The following ARHGAP24 variants were observed in gnomAD, a reference collection of about 807,000 sequenced individuals.
The protein encoded by ARHGAP24 is rho GTPase-activating protein 24.
ARHGAP24 carries 50 observed loss-of-function variants against 76.4 expected under a neutral mutation model. That is an observed-to-expected ratio of 0.65 (90% CI 0.52 to 0.83). The LOEUF (loss-of-function observed/expected upper bound fraction) is 0.83, where lower values mean the gene tolerates loss of function less well. ARHGAP24 is among the 40% of genes least tolerant of loss of function. The pLI, the probability that ARHGAP24 is intolerant of heterozygous loss-of-function variation, is 0.00. For missense variants in ARHGAP24, 930 were observed against 914.2 expected, an observed-to-expected ratio of 1.02 and a Z score of -0.22; for synonymous variants, 345 against 323.3, an observed-to-expected ratio of 1.07 and a Z score of -0.72.
intron 1 of ARHGAP24, among the ~76,000 whole-genome samples, chr4:85,542,133 A>G (rs1725728115): frequency 6.6e-6 from 1 of 152,074 alleles, no homozygotes; most frequent in African/African-American, 2.4e-5. Context: ...TAAAATTTTG[A>G]GGTGTTAGTG....
chr4:85,761,591 T>C (rs1726734865), intron 3 of ARHGAP24, among the ~76,000 whole-genome samples: 2 of 152,196 alleles, frequency 1.3e-5, no homozygotes, highest in South Asian at 4.1e-4. Flanking sequence ...TGGTGAAGAC[T>C]TTTTTATTTT....
At chr4:85,841,829 G>A (rs1251040921) in intron 3 of ARHGAP24, among the ~76,000 whole-genome samples, 1 of 152,148 alleles carries the variant, frequency 6.6e-6, no homozygotes, top group Non-Finnish European at 1.5e-5. Flanking sequence ...AAATTCATCA[G>A]AGAAGTGTAT....
chr4:85,998,088 A>G (rs1446095916), intron 9 of ARHGAP24, among the ~76,000 whole-genome samples: 1 of 152,228 alleles, frequency 6.6e-6, no homozygotes, highest in Non-Finnish European at 1.5e-5. Context: ...CCAAGAGATC[A>G]AGTCTGTTAA....
At chr4:85,784,429 C>A (rs1293939406) in intron 3 of ARHGAP24, among the ~76,000 whole-genome samples, 1 of 152,002 alleles carries the variant, frequency 6.6e-6, no homozygotes, top group African/African-American at 2.4e-5. Flanking sequence ...AGGCCTATGG[C>A]TTCATCTTAA....
chr4:85,497,550 A>AGTGGCTCACCG (rs373575557), intron 1 of ARHGAP24, among the ~76,000 whole-genome samples: 246 of 152,230 alleles, frequency 1.6e-3, no homozygotes, highest in African/African-American at 5.7e-3. Flanking sequence ...GGCCAGGCAC[A>AGTGGCTCACCG]GTGGCTCATG....
At chr4:85,872,299 TA>T (rs1241141989) in intron 3 of ARHGAP24, among the ~76,000 whole-genome samples, 2 of 151,896 alleles carry the variant, frequency 1.3e-5, no homozygotes, top group Admixed American at 1.3e-4. Context: ...TAAAACACTT[TA>T]TTTTTTTTTT....
chr4:85,883,546 AG>A (rs1733382375), intron 3 of ARHGAP24, among the ~76,000 whole-genome samples: 1 of 152,134 alleles, frequency 6.6e-6, no homozygotes, highest in Non-Finnish European at 1.5e-5. Context: ...CAGGGGGTAG[AG>A]TACATGTGCT....
intron 2 of ARHGAP24, among the ~76,000 whole-genome samples, chr4:85,623,179 T>C (rs568978925): frequency 6.6e-6 from 1 of 152,376 alleles, no homozygotes; most frequent in South Asian, 2.1e-4. Context: ...CCCATGCCTA[T>C]GTCCTGAATG....
At chr4:85,702,242 A>C (rs1724119232) in intron 2 of ARHGAP24, among the ~76,000 whole-genome samples, 1 of 152,192 alleles carries the variant, frequency 6.6e-6, no homozygotes. Flanking sequence ...ACATTCTGTT[A>C]TGTTTTGGTG....
chr4:85,729,784 A>G (rs1280567799), intron 3 of ARHGAP24, among the ~76,000 whole-genome samples: 2 of 152,224 alleles, frequency 1.3e-5, no homozygotes, highest in Non-Finnish European at 2.9e-5. Context: ...TGTGAATTTT[A>G]TATACTTCTC....
chr4:85,593,050 G>T (rs181129909), intron 2 of ARHGAP24, among the ~76,000 whole-genome samples: 30 of 152,046 alleles, frequency 2.0e-4, no homozygotes, highest in Non-Finnish European at 4.0e-4. Context: ...CATAGTGATT[G>T]TACTAATTTA....
At chr4:85,487,259 ATATATAAATATATATTTATTT>A (rs1445003243) in intron 1 of ARHGAP24, among the ~76,000 whole-genome samples, 1 of 125,682 alleles carries the variant, frequency 8.0e-6, no homozygotes, top group Admixed American at 9.5e-5. Context: ...TATATTTATT[ATATATAAATATATATTTATTT>A]TATATATAGT....
At chr4:85,533,147 T>G (rs1403730926) in intron 1 of ARHGAP24, among the ~76,000 whole-genome samples, 1 of 152,140 alleles carries the variant, frequency 6.6e-6, no homozygotes, top group East Asian at 1.9e-4. Flanking sequence ...AAAAGACAAG[T>G]GGCTACTCAT....
intron 3 of ARHGAP24, among the ~76,000 whole-genome samples, chr4:85,733,700 T>A: frequency 6.6e-6 from 1 of 152,172 alleles, no homozygotes; most frequent in Non-Finnish European, 1.5e-5. Flanking sequence ...CCTTGGTTCA[T>A]CTCCTTCTCC....
At chr4:85,625,013 CA>C (rs1202521506) in intron 2 of ARHGAP24, among the ~76,000 whole-genome samples, 4 of 152,028 alleles carry the variant, frequency 2.6e-5, no homozygotes, top group Admixed American at 1.3e-4. Flanking sequence ...TTGATCTTTT[CA>C]AAAAACCAGC....
intron 9 of ARHGAP24, among the ~76,000 whole-genome samples, chr4:85,997,326 TGATA>T (rs70948773): frequency 0.025 from 3,520 of 142,376 alleles, 80 homozygotes; most frequent in African/African-American, 0.067. Context: ...GATAGATAGA[TGATA>T]GATAGATAGA....
In ARHGAP24 at chr4:85,694,130, C is replaced by T. The variant is rs143362048; in HGVS notation, c.181-27755C>T. Among the ~76,000 whole-genome samples, 799 of 152,100 alleles carry T rather than the reference C, an allele frequency of 5.3e-3. 7 individuals carry two copies. Among genetic ancestry groups the T allele is most frequent in the African/African-American group, 0.018 (754 of 41,474 alleles). On this transcript the variant is annotated intron_variant, in intron 2 of 9. Transcript: ENST00000395184. Reference sequence around the variant, plus strand: ...CATCTCCGTCTACTCCTAGCATTTTCGTTATGAAAATCTATTCAAATTATG... The same window carrying T: ...CATCTCCGTCTACTCCTAGCATTTTTGTTATGAAAATCTATTCAAATTATG...
chr4:85,749,019 G>C, intron 3 of ARHGAP24, among the ~76,000 whole-genome samples: 1 of 152,124 alleles, frequency 6.6e-6, no homozygotes, highest in East Asian at 1.9e-4. Flanking sequence ...AGTCATACAG[G>C]CATACCGGAT....
intron 2 of ARHGAP24, among the ~76,000 whole-genome samples, chr4:85,666,554 G>A (rs1007464634): frequency 1.3e-5 from 2 of 152,168 alleles, no homozygotes; most frequent in East Asian, 3.9e-4. Flanking sequence ...GCATTCCTTT[G>A]GAGGAGGAGA....
Sources: allele counts gnomAD v4.1 joint callset (sites outside exome capture counted in the v4.1 genomes callset), GRCh38; gene constraint gnomAD v4.1.1; transcripts MANE v1.5; gene names NCBI Gene and HGNC (gene_info 2026-07-23, HGNC 2026-07-21).